The following OXR1 variants were observed in gnomAD, a reference collection of about 807,000 sequenced individuals.
OXR1 encodes oxidation resistance protein 1.
OXR1 carries 41 observed loss-of-function variants against 104.6 expected under a neutral mutation model. The ratio of observed to expected loss-of-function variants is 0.39; its 90% CI spans 0.31 to 0.51. The LOEUF is 0.51. Among genes scored for constraint, OXR1 ranks in the 20% least tolerant of loss-of-function variants. The pLI is 0.77. For missense variants in OXR1, 955 were observed against 1,031.9 expected, an observed-to-expected ratio of 0.93 and a Z score of 1.02; for synonymous variants, 348 against 348.4, an observed-to-expected ratio of 1.00 and a Z score of 0.01.
intron 3 of OXR1, among the ~76,000 whole-genome samples, chr8:106,629,695 A>G (rs1267965549): frequency 1.3e-5 from 2 of 152,220 alleles, no homozygotes; most frequent in Non-Finnish European, 2.9e-5. Flanking sequence ...CAGAGAACCC[A>G]CATAATATCA....
chr8:106,504,956 T>C (rs868046705), intron 2 of OXR1, among the ~76,000 whole-genome samples: 10 of 152,202 alleles, frequency 6.6e-5, no homozygotes, highest in Non-Finnish European at 1.5e-4. Flanking sequence ...GCCTGGAAAA[T>C]GCAGGTGTGA....
At chr8:106,508,604 ACCACAAAATGT>A (rs1563569734) in intron 2 of OXR1, among the ~76,000 whole-genome samples, 1 of 152,246 alleles carries the variant, frequency 6.6e-6, no homozygotes, top group Non-Finnish European at 1.5e-5. Flanking sequence ...ATTTTTAAAA[ACCACAAAATGT>A]CATTTTTACT....
At chr8:106,598,440 C>T (rs993513909) in intron 3 of OXR1, among the ~76,000 whole-genome samples, 1 of 152,186 alleles carries the variant, frequency 6.6e-6, no homozygotes, top group African/African-American at 2.4e-5. Context: ...CTCTAAAACT[C>T]CTCCAGTTTT....
At chr8:106,557,454 G>T (rs1816364880) in intron 3 of OXR1, among the ~76,000 whole-genome samples, 1 of 152,134 alleles carries the variant, frequency 6.6e-6, no homozygotes, top group African/African-American at 2.4e-5. Flanking sequence ...CAACTCAGGT[G>T]AGTAGCATTT....
intron 1 of OXR1, among the ~76,000 whole-genome samples, chr8:106,328,694 A>C (rs1814582812): frequency 6.6e-6 from 1 of 152,218 alleles, no homozygotes; most frequent in Non-Finnish European, 1.5e-5. Flanking sequence ...AAGGCAAGAA[A>C]GTAATAAGAA....
chr8:106,400,240 TCATG>T (rs1817946726), intron 2 of OXR1, among the ~76,000 whole-genome samples: 1 of 152,130 alleles, frequency 6.6e-6, no homozygotes, highest in Non-Finnish European at 1.5e-5. Flanking sequence ...ATTAAAGTGT[TCATG>T]CTCCATATTT....
chr8:106,706,079 TTA>T lies in OXR1; in HGVS notation c.861-301_861-300del, dbSNP rs943660631. Reference sequence around the variant, plus strand: ...TTAGAATTACAGCTTTACCCAGGGTTTATGTCATCAAGTTCCCTTCAAGTGGA... The same window carrying T: ...TTAGAATTACAGCTTTACCCAGGGTTTGTCATCAAGTTCCCTTCAAGTGGA... On this transcript the variant is annotated intron_variant, in intron 8 of 16. Coordinates refer to ENST00000517566, the MANE Select transcript of OXR1 (RefSeq NM_001198533.2). 1.1e-4 allele frequency among the ~76,000 whole-genome samples: 16 copies of T among 152,256 alleles called. 1 individual carries two copies. The East Asian group carries it at 2.9e-3, about 28-fold the overall frequency.
intron 3 of OXR1, chr8:106,657,911 G>A: frequency 8.0e-7 from 1 of 1,246,734 alleles, no homozygotes. Context: ...GGGCCGGTGG[G>A]CGCGCTAGTG....
At chr8:106,540,257 T>G (rs1182335901) in intron 3 of OXR1, among the ~76,000 whole-genome samples, 1 of 152,144 alleles carries the variant, frequency 6.6e-6, no homozygotes, top group Non-Finnish European at 1.5e-5. Context: ...GGAGCAAAGA[T>G]CAACCATTGT....
At chr8:106,283,108 G>C (rs7003906) in intron 1 of OXR1, among the ~76,000 whole-genome samples, 39,736 of 152,086 alleles carry the variant, frequency 0.26, 6,561 homozygotes, top group African/African-American at 0.47. Context: ...GCTTGTGCTT[G>C]ATCTGCCAGA....
intron 2 of OXR1, among the ~76,000 whole-genome samples, chr8:106,503,324 G>T (rs1047609813): frequency 1.3e-5 from 2 of 152,160 alleles, no homozygotes; most frequent in African/African-American, 4.8e-5. Context: ...AGCTAAAACT[G>T]AGAAGGTACC....
intron 3 of OXR1, among the ~76,000 whole-genome samples, chr8:106,536,904 C>T (rs1286154275): frequency 1.3e-5 from 2 of 152,120 alleles, no homozygotes; most frequent in Non-Finnish European, 2.9e-5. Flanking sequence ...AATTCAAATC[C>T]ACAACATTAT....
At chr8:106,501,243 C>T (rs1368915520) in intron 2 of OXR1, among the ~76,000 whole-genome samples, 1 of 152,160 alleles carries the variant, frequency 6.6e-6, no homozygotes, top group Admixed American at 6.5e-5. Flanking sequence ...CCTGTCTCAG[C>T]TTGCCAAGTA....
chr8:106,364,605 CA>C (rs1189618689), intron 2 of OXR1, among the ~76,000 whole-genome samples: 2 of 68,270 alleles, frequency 2.9e-5, no homozygotes, highest in African/African-American at 1.2e-4. Flanking sequence ...ACAACAAAAA[CA>C]AAAAAAGTAA....
In OXR1 at chr8:106,751,388, T is replaced by C. The variant is rs922888679; in HGVS notation, c.*447T>C. On this transcript the variant is annotated 3_prime_UTR_variant, in exon 17 of 17. Coordinates refer to ENST00000517566, the MANE Select transcript of OXR1 (RefSeq NM_001198533.2). ...ATCTGTGAAGTTGGCACAGGTAACA[T>C]TTGGACATGTTCATCTTATTCTTAG... 2 of 152,884 alleles carry C rather than the reference T, an allele frequency of 1.3e-5. No homozygotes were observed. The highest frequency in any genetic ancestry group is 4.8e-5 in the African/African-American group (2 of 41,458). The allele number at this position is 152,884 out of a possible 1,614,324, so 9.5% of individuals were successfully genotyped here.
intron 2 of OXR1, among the ~76,000 whole-genome samples, chr8:106,474,012 TACAC>T (rs199751152): frequency 0.048 from 6,656 of 137,254 alleles, 170 homozygotes; most frequent in African/African-American, 0.068. Flanking sequence ...TGTATATTTA[TACAC>T]ACACACACAC....
At chr8:106,534,731 G>A (rs1394944083) in intron 3 of OXR1, among the ~76,000 whole-genome samples, 1 of 152,160 alleles carries the variant, frequency 6.6e-6, no homozygotes, top group African/African-American at 2.4e-5. Flanking sequence ...GGATTTGTGT[G>A]ATTATTAAAT....
chr8:106,632,016 A>G (rs1406080732), intron 3 of OXR1, among the ~76,000 whole-genome samples: 1 of 152,194 alleles, frequency 6.6e-6, no homozygotes, highest in African/African-American at 2.4e-5. Context: ...TTCTTATCCT[A>G]GACAAGGAGA....
At chr8:106,538,204 G>A (rs1431106822) in intron 3 of OXR1, among the ~76,000 whole-genome samples, 1 of 152,128 alleles carries the variant, frequency 6.6e-6, no homozygotes, top group East Asian at 1.9e-4. Context: ...TTAATATCCT[G>A]TGATCCCAAA....
Sources: gnomAD v4.1 joint callset for allele counts (sites outside exome capture counted in the v4.1 genomes callset) on GRCh38, gnomAD v4.1.1 for gene constraint, MANE v1.5 for transcripts, NCBI Gene and HGNC (gene_info 2026-07-23, HGNC 2026-07-21) for gene names.